Variants in CNTN5 observed in about 807,000 individuals in gnomAD.
The protein encoded by CNTN5 is contactin-5.
A neutral mutation model predicts 129.1 loss-of-function variants in CNTN5; 77 were observed. That is an observed-to-expected ratio of 0.60 (90% CI 0.50 to 0.72). The LOEUF (loss-of-function observed/expected upper bound fraction) is 0.72. CNTN5 is among the 30% of genes least tolerant of loss of function. The probability of loss-of-function intolerance (pLI) is 0.00; values close to 1 mark genes in which losing one functional copy is unlikely to be tolerated. For synonymous variants in CNTN5, 509 were observed against 465.6 expected, an observed-to-expected ratio of 1.09 and a Z score of -1.20; for missense variants, 1,478 against 1,328.8, an observed-to-expected ratio of 1.11 and a Z score of -1.75.
intron 7 of CNTN5, among the ~76,000 whole-genome samples, chr11:99,929,401 G>C (rs565207233): frequency 1.3e-5 from 2 of 152,214 alleles, no homozygotes; most frequent in African/African-American, 2.4e-5. Flanking sequence ...CCTTTCAGCA[G>C]TGCCCCACTC....
At chr11:100,157,013 G>C (rs1293119825) in intron 13 of CNTN5, among the ~76,000 whole-genome samples, 1 of 151,878 alleles carries the variant, frequency 6.6e-6, no homozygotes, top group Non-Finnish European at 1.5e-5. Flanking sequence ...TCTGACCTTA[G>C]TTATTTCTTG....
At chr11:99,490,994 G>T (rs1946013511) in intron 2 of CNTN5, among the ~76,000 whole-genome samples, 1 of 152,002 alleles carries the variant, frequency 6.6e-6, no homozygotes, top group Non-Finnish European at 1.5e-5. Context: ...TAAGGCCTGG[G>T]AGAGCTCAAG....
chr11:99,243,429 G>A (rs1158980464), intron 1 of CNTN5, among the ~76,000 whole-genome samples: 1 of 151,978 alleles, frequency 6.6e-6, no homozygotes, highest in Non-Finnish European at 1.5e-5. Context: ...TCTATTGATT[G>A]TTTCTTTTGC....
intron 2 of CNTN5, among the ~76,000 whole-genome samples, chr11:99,471,160 A>G (rs565501469): frequency 7.3e-5 from 11 of 151,138 alleles, no homozygotes; most frequent in Non-Finnish European, 1.3e-4. Context: ...AAAAAAAAAA[A>G]CAAATTTTCT....
chr11:99,770,991 A>G (rs1944926374), intron 3 of CNTN5, among the ~76,000 whole-genome samples: 1 of 152,148 alleles, frequency 6.6e-6, no homozygotes, highest in Non-Finnish European at 1.5e-5. Context: ...GTAAACTCAT[A>G]CATTTATGGT....
intron 6 of CNTN5, among the ~76,000 whole-genome samples, chr11:99,849,141 A>T (rs1947794403): frequency 6.6e-6 from 1 of 151,904 alleles, no homozygotes; most frequent in East Asian, 1.9e-4. Context: ...GAATTAAGTT[A>T]TCCATATACT....
At chr11:99,283,380 TCACACACACATGCACATGTG>T (rs766273302) in intron 1 of CNTN5, among the ~76,000 whole-genome samples, 166 of 152,202 alleles carry the variant, frequency 1.1e-3, no homozygotes, top group Middle Eastern at 6.8e-3. Context: ...TCTCTCTGTC[TCACACACACATGCACATGTG>T]CACACACACA....
At chr11:100,091,246 T>G (rs1306385122) in intron 13 of CNTN5, among the ~76,000 whole-genome samples, 5 of 151,570 alleles carry the variant, frequency 3.3e-5, no homozygotes, top group African/African-American at 4.8e-5. Context: ...GAGTGTTGCC[T>G]TATGGTCTCC....
chr11:99,855,378 G>A (rs1171986635), intron 6 of CNTN5, among the ~76,000 whole-genome samples: 1 of 152,108 alleles, frequency 6.6e-6, no homozygotes, highest in Non-Finnish European at 1.5e-5. Flanking sequence ...AGTTCAGTAT[G>A]ATAGAAACAG....
chr11:100,028,589 GAC>G (rs1941545135), intron 9 of CNTN5, among the ~76,000 whole-genome samples: 1 of 152,236 alleles, frequency 6.6e-6, no homozygotes, highest in African/African-American at 2.4e-5. Flanking sequence ...CGCCATCCAA[GAC>G]ACAGTCCATT....
intron 16 of CNTN5, among the ~76,000 whole-genome samples, chr11:100,243,427 T>G (rs915125238): frequency 3.3e-5 from 5 of 152,134 alleles, no homozygotes; most frequent in Non-Finnish European, 7.4e-5. Context: ...AGCCCTGCCA[T>G]GTATACCTTG....
intron 3 of CNTN5, among the ~76,000 whole-genome samples, chr11:99,562,880 C>T (rs1452790820): frequency 6.6e-6 from 1 of 152,008 alleles, no homozygotes; most frequent in African/African-American, 2.4e-5. Flanking sequence ...GTCTACAATA[C>T]CCTTAGGTGA....
At chr11:99,319,010 G>T (rs749213492) in intron 1 of CNTN5, among the ~76,000 whole-genome samples, 1 of 152,104 alleles carries the variant, frequency 6.6e-6, no homozygotes, top group Non-Finnish European at 1.5e-5. Flanking sequence ...TTATAGAAAA[G>T]GTGAATTGGA....
intron 15 of CNTN5, among the ~76,000 whole-genome samples, chr11:100,207,900 T>G (rs2138576384): frequency 6.6e-6 from 1 of 152,304 alleles, no homozygotes; most frequent in Non-Finnish European, 1.5e-5. Flanking sequence ...CTTTGTAAAA[T>G]AATCAGGCAG....
At chr11:100,313,262 T>C (rs1408306682) in intron 21 of CNTN5, among the ~76,000 whole-genome samples, 1 of 151,940 alleles carries the variant, frequency 6.6e-6, no homozygotes, top group Non-Finnish European at 1.5e-5. Context: ...AGTTAAGAGT[T>C]ATCACAATAA....
intron 3 of CNTN5, among the ~76,000 whole-genome samples, chr11:99,646,589 T>C (rs1404430764): frequency 6.6e-6 from 1 of 152,122 alleles, no homozygotes; most frequent in Admixed American, 6.5e-5. Context: ...GAACATAAAG[T>C]TGGCATGCAC....
chr11:99,745,904 A>G (rs961640475), intron 3 of CNTN5, among the ~76,000 whole-genome samples: 1 of 152,164 alleles, frequency 6.6e-6, no homozygotes. Flanking sequence ...ATAGGGCTAT[A>G]CTCAGGTTGT....
chr11:99,855,309 C>T (rs1947998817), intron 6 of CNTN5, among the ~76,000 whole-genome samples: 1 of 152,056 alleles, frequency 6.6e-6, no homozygotes, highest in Non-Finnish European at 1.5e-5. Flanking sequence ...CTCAGAAAAA[C>T]AAAAGCAAAC....
At chr11:99,516,024 C>T (rs1281529529) in intron 2 of CNTN5, among the ~76,000 whole-genome samples, 2 of 150,928 alleles carry the variant, frequency 1.3e-5, no homozygotes, top group African/African-American at 2.4e-5. Flanking sequence ...TTTTTCTGAC[C>T]GCTTACCCTA....
Sources: gnomAD v4.1 joint callset for allele counts (sites outside exome capture counted in the v4.1 genomes callset) on GRCh38, gnomAD v4.1.1 for gene constraint, MANE v1.5 for transcripts, NCBI Gene and HGNC (gene_info 2026-07-23, HGNC 2026-07-21) for gene names.